The following PCDH11X variants were observed in gnomAD, a reference collection of about 807,000 sequenced individuals.
PCDH11X encodes the protein protocadherin 11 X-linked.
In PCDH11X, 18 loss-of-function variants were observed where a neutral mutation model predicts 53.3. That is an observed-to-expected ratio of 0.34 (90% CI 0.23 to 0.50). PCDH11X has a LOEUF of 0.50. Ranked by LOEUF, PCDH11X falls within the 20% of genes least tolerant of loss-of-function variation. PCDH11X has a pLI of 0.98. For missense variants in PCDH11X, 570 were observed against 1,032.4 expected, an observed-to-expected ratio of 0.55 and a Z score of 6.14; for synonymous variants, 279 against 393.3, an observed-to-expected ratio of 0.71 and a Z score of 3.44.
chrX:92,542,205 A>C (rs1006117596), intron 10 of PCDH11X, among the ~76,000 whole-genome samples: 12 of 111,838 alleles, frequency 1.1e-4, no homozygotes, highest in African/African-American at 3.6e-4. Context: ...TATTCCACTG[A>C]ATTTTACTCT....
chrX:92,329,100 G>A (rs2069402629), intron 8 of PCDH11X, among the ~76,000 whole-genome samples: 1 of 111,296 alleles, frequency 9.0e-6, no homozygotes, highest in Non-Finnish European at 1.9e-5. Context: ...AACAAGTGGG[G>A]TTTATTGTAG....
intron 6 of PCDH11X, among the ~76,000 whole-genome samples, chrX:92,106,670 A>G (rs955361102): frequency 8.9e-6 from 1 of 112,337 alleles, no homozygotes; most frequent in African/African-American, 3.2e-5. Context: ...TTATTGGGTT[A>G]TCTTTTTTAA....
intron 6 of PCDH11X, among the ~76,000 whole-genome samples, chrX:92,190,506 C>T (rs771273822): frequency 9.0e-6 from 1 of 111,484 alleles, no homozygotes; most frequent in Non-Finnish European, 1.9e-5. Context: ...TTCTGTAGTC[C>T]CTGCACCCCA....
chrX:92,506,636 G>GTTT (rs201535023), intron 10 of PCDH11X, among the ~76,000 whole-genome samples: 1 of 89,235 alleles, frequency 1.1e-5, no homozygotes, highest in African/African-American at 4.1e-5. Flanking sequence ...CAGTTTGCTA[G>GTTT]TTTTTTTTTT....
chrX:91,968,760 A>G (rs1468250322), intron 6 of PCDH11X, among the ~76,000 whole-genome samples: 1 of 111,698 alleles, frequency 9.0e-6, no homozygotes, highest in Non-Finnish European at 1.9e-5. Context: ...TGCCACATTG[A>G]AATATTGCAA....
At chrX:92,186,722 A>G (rs916576044) in intron 6 of PCDH11X, among the ~76,000 whole-genome samples, 1 of 110,573 alleles carries the variant, frequency 9.0e-6, no homozygotes, top group Admixed American at 9.7e-5. Flanking sequence ...ACACAAAATT[A>G]CAGATAGATA....
At chrX:92,033,088 T>C (rs2063076316) in intron 6 of PCDH11X, among the ~76,000 whole-genome samples, 1 of 109,219 alleles carries the variant, frequency 9.2e-6, no homozygotes, top group Non-Finnish European at 1.9e-5. Context: ...ATTTTAGGCA[T>C]AAGTCACTGG....
intron 6 of PCDH11X, among the ~76,000 whole-genome samples, chrX:92,149,397 T>C (rs2065388353): frequency 9.1e-6 from 1 of 109,916 alleles, no homozygotes; most frequent in African/African-American, 3.3e-5. Flanking sequence ...GACAAGGATA[T>C]AGGCTGGAAT....
At chrX:91,901,768 A>C (rs1434601097) in intron 6 of PCDH11X, among the ~76,000 whole-genome samples, 1 of 112,010 alleles carries the variant, frequency 8.9e-6, no homozygotes, top group Admixed American at 9.5e-5. Context: ...ACAAAATTTA[A>C]TTTAATTTTT....
At chrX:92,452,874 T>G (rs1466300418) in intron 9 of PCDH11X, among the ~76,000 whole-genome samples, 1 of 80,801 alleles carries the variant, frequency 1.2e-5, no homozygotes, top group Non-Finnish European at 2.2e-5. Flanking sequence ...TTTACTTCTG[T>G]ATTATTGTTT....
rs139020614 is a variant in PCDH11X at position 92,373,564 on chromosome X, T to C, written c.3145-14171T>C. Reference sequence around the variant, plus strand: ...AAAGAGCATATTCTGGAATGATGTGTTTTAAAATCCTTCACTGCATTAGAT... The same window carrying C: ...AAAGAGCATATTCTGGAATGATGTGCTTTAAAATCCTTCACTGCATTAGAT... On this transcript the variant is annotated intron_variant, in intron 8 of 10. Coordinates refer to ENST00000682573, the MANE Select transcript of PCDH11X (RefSeq NM_032968.5). 9.1e-4 allele frequency among the ~76,000 whole-genome samples: 101 copies of C among 111,241 alleles called. 2 individuals are homozygous for C. In the East Asian group the frequency reaches 0.024, roughly 26 times the overall value.
At chrX:91,874,454 C>T (rs758671140) in intron 5 of PCDH11X, among the ~76,000 whole-genome samples, 4 of 111,271 alleles carry the variant, frequency 3.6e-5, no homozygotes, top group Admixed American at 1.9e-4. Context: ...AGAATGCTCA[C>T]GTTTATTGTA....
chrX:92,174,238 A>C (rs2065869971), intron 6 of PCDH11X, among the ~76,000 whole-genome samples: 1 of 109,929 alleles, frequency 9.1e-6, no homozygotes, highest in Admixed American at 9.8e-5. Context: ...AGAAAAAAAA[A>C]CCTCATAAAA....
intron 10 of PCDH11X, among the ~76,000 whole-genome samples, chrX:92,568,218 G>A (rs1226143278): frequency 9.1e-6 from 1 of 109,886 alleles, no homozygotes; most frequent in Non-Finnish European, 1.9e-5. Context: ...TCAGGAGATC[G>A]AGACCATCCT....
chrX:92,170,821 C>T (rs1192964146), intron 6 of PCDH11X, among the ~76,000 whole-genome samples: 2 of 97,276 alleles, frequency 2.1e-5, no homozygotes, highest in Non-Finnish European at 4.2e-5. Flanking sequence ...GATGAAGTCT[C>T]ACTCTTGTCC....
chrX:92,252,739 G>C (rs1169694622), intron 7 of PCDH11X, among the ~76,000 whole-genome samples: 1 of 110,314 alleles, frequency 9.1e-6, no homozygotes, highest in Admixed American at 9.8e-5. Flanking sequence ...CATTGTTTCT[G>C]GAACATGTTC....
At chrX:92,322,608 A>T (rs988028573) in intron 8 of PCDH11X, among the ~76,000 whole-genome samples, 2 of 111,623 alleles carry the variant, frequency 1.8e-5, no homozygotes, top group African/African-American at 6.5e-5. Context: ...ATAAACAGAT[A>T]ACTCTACAAA....
intron 6 of PCDH11X, among the ~76,000 whole-genome samples, chrX:91,895,704 T>C (rs1399420910): frequency 9.2e-6 from 1 of 108,263 alleles, no homozygotes; most frequent in Non-Finnish European, 1.9e-5. Context: ...TAAGTTTGAT[T>C]TCTGTACAGA....
rs184528688 is a variant in PCDH11X at position 91,987,588 on chromosome X, A to G, written c.3033+108315A>G. On this transcript the variant is annotated intron_variant, in intron 6 of 10. Transcript: ENST00000682573. ...TTAATTTATATTACAAATGATTCAT[A>G]CTATCCACTATGAAGATTTTACATT... is the stretch of plus-strand genomic sequence containing the variant. 4.9e-3 allele frequency among the ~76,000 whole-genome samples: 551 copies of G among 111,380 alleles called. 1 individual carries two copies. The highest frequency in any genetic ancestry group is 0.017 in the African/African-American group (517 of 30,758).
Sources: gnomAD v4.1 joint callset for allele counts (sites outside exome capture counted in the v4.1 genomes callset) on GRCh38, gnomAD v4.1.1 for gene constraint, MANE v1.5 for transcripts, NCBI Gene and HGNC (gene_info 2026-07-23, HGNC 2026-07-21) for gene names.